The following CUTC variants were observed in gnomAD, a reference collection of about 807,000 sequenced individuals.
The protein encoded by CUTC is cutC copper transporter, also known as copper homeostasis protein cutC homolog.
Under a neutral mutation model 36.2 loss-of-function variants are expected in CUTC, and 27 were observed. That is an observed-to-expected ratio of 0.75 (90% CI 0.55 to 1.03). The LOEUF is 1.03. Among genes scored for constraint, CUTC ranks in the 50% least tolerant of loss-of-function variants. The probability of loss-of-function intolerance (pLI) is 0.00; values close to 1 mark genes in which losing one functional copy is unlikely to be tolerated. For missense variants in CUTC, 315 were observed against 343.5 expected (o/e 0.92, Z 0.66); for synonymous variants, 114 against 118.3 (o/e 0.96, Z 0.24).
At chr10:99,743,463 C>A in intron 4 of CUTC, 101 bp downstream of exon 4, 1 of 1,026,744 alleles carries the variant, frequency 9.7e-7, no homozygotes, top group Non-Finnish European at 1.5e-6. Context: ...GCGGTCATAG[C>A]TACAGACACT....
intron 5 of CUTC, among the ~76,000 whole-genome samples, chr10:99,746,198 A>AT (rs2037376539): frequency 1.3e-5 from 2 of 152,222 alleles, no homozygotes; most frequent in African/African-American, 4.8e-5. Flanking sequence ...GAACAAGATC[A>AT]TGTCCTTTGC....
intron 5 of CUTC, among the ~76,000 whole-genome samples, chr10:99,745,367 G>C (rs1335896939): frequency 6.6e-6 from 1 of 152,202 alleles, no homozygotes; most frequent in African/African-American, 2.4e-5. Context: ...CTCTGTGGTA[G>C]ATTTAGTTGC....
chr10:99,747,490 G>A (rs1002685832), intron 6 of CUTC, 100 bp downstream of exon 6: 28 of 1,368,316 alleles, frequency 2.0e-5, no homozygotes, highest in Non-Finnish European at 2.8e-5. Context: ...TACTGACTTT[G>A]TGGTTACTCT....
chr10:99,755,636 T>C lies in CUTC; in HGVS notation c.719T>C (p.Val240Ala). ...TATTTCTGTTACAGAAATTCATCTGTTGCCATGGGAGCCTCACTTTCTTGC... is the reference window on the plus strand; with the variant it reads ...TATTTCTGTTACAGAAATTCATCTGCTGCCATGGGAGCCTCACTTTCTTGC... ...DSGMKFRNSSVAMGASLSCSE... is the reference protein window; with the variant it reads ...DSGMKFRNSSAAMGASLSCSE... The change falls in exon 9 of 9, where the codon GTT becomes GCT. Residue 240 changes from valine to alanine, a missense_variant. Physicochemically the swap from Val to Ala is moderately conservative, Grantham distance 64. Transcript: ENST00000370476. The C allele has an allele frequency of 6.2e-7, 1 of 1,609,846 alleles. No homozygotes were observed. The highest frequency in any genetic ancestry group is 8.5e-7 in the Non-Finnish European group (1 of 1,176,358).
At chr10:99,740,114 A>G (rs1298753771) in intron 3 of CUTC, among the ~76,000 whole-genome samples, 2 of 152,170 alleles carry the variant, frequency 1.3e-5, no homozygotes, top group Non-Finnish European at 2.9e-5. Flanking sequence ...TTACTCATAC[A>G]TATATCAAAA....
intron 2 of CUTC, among the ~76,000 whole-genome samples, chr10:99,737,523 T>C (rs528583169): frequency 1.3e-3 from 200 of 152,174 alleles, no homozygotes; most frequent in African/African-American, 4.6e-3. Flanking sequence ...TGTAGGGTTG[T>C]TTTGGGGATG....
chr10:99,744,615 ACTAT>A (rs1016279278), intron 5 of CUTC, among the ~76,000 whole-genome samples: 4 of 152,202 alleles, frequency 2.6e-5, no homozygotes, highest in African/African-American at 9.7e-5. Flanking sequence ...TCTAGTGTTG[ACTAT>A]CTAGTCAATG....
intron 1 of CUTC, among the ~76,000 whole-genome samples, chr10:99,733,721 C>T (rs2037259367): frequency 6.6e-6 from 1 of 152,196 alleles, no homozygotes; most frequent in Non-Finnish European, 1.5e-5. Context: ...GGTTGTAGCC[C>T]TGCAGACTCT....
At chr10:99,749,943 C>A (rs2037404496) in intron 6 of CUTC, among the ~76,000 whole-genome samples, 1 of 152,044 alleles carries the variant, frequency 6.6e-6, no homozygotes, top group South Asian at 2.1e-4. Flanking sequence ...TTTCTTCTAT[C>A]CTCAGGGTTT....
In CUTC at chr10:99,755,653, C is replaced by T. The variant is rs554853900; in HGVS notation, c.736C>T (p.Leu246Phe). 9 of 1,613,588 alleles carry T rather than the reference C, an allele frequency of 5.6e-6. No individual in the cohort carries two copies. The East Asian group carries it at 2.0e-4, about 36-fold the overall frequency. ...TTCATCTGTTGCCATGGGAGCCTCACTTTCTTGCTCAGAATATTCCCTAAA... is the reference window on the plus strand; with the variant it reads ...TTCATCTGTTGCCATGGGAGCCTCATTTTCTTGCTCAGAATATTCCCTAAA... ...RNSSVAMGAS[L>F]SCSEYSLKVT... Residue 246 changes from leucine (L) to phenylalanine (F), a missense_variant, in exon 9 of 9, where the codon CTT (leucine) becomes TTT (phenylalanine). Coordinates refer to ENST00000370476, the MANE Select transcript of CUTC (RefSeq NM_015960.3).
intron 6 of CUTC, among the ~76,000 whole-genome samples, chr10:99,749,407 T>G (rs1263350542): frequency 6.6e-6 from 1 of 152,228 alleles, no homozygotes; most frequent in African/African-American, 2.4e-5. Context: ...AATTGTTCTA[T>G]ATTATTAAAT....
In CUTC at chr10:99,732,534, G is replaced by A. The variant is rs2037220517; in HGVS notation, c.61+125G>A. On this transcript the variant is annotated intron_variant, in intron 1 of 8. Coordinates refer to ENST00000370476, the MANE Select transcript of CUTC (RefSeq NM_015960.3). ...TCAGCTCCTTCCAGCCCCTTGGGCG[G>A]CACCTTCTATCTTTGAGGCGTTAAA... is the stretch of plus-strand genomic sequence containing the variant. 3.4e-6 allele frequency: 5 copies of A among 1,486,284 alleles called. No homozygotes were observed. The Admixed American group carries it at 9.8e-5, about 29-fold the overall frequency. The allele number at this position is 1,486,284 out of a possible 1,614,324, so 92.1% of individuals were successfully genotyped here.
chr10:99,755,832 C>A lies in CUTC; in HGVS notation c.*93C>A. The A allele has an allele frequency of 1.3e-6, 1 of 769,034 alleles. No individual in the cohort carries two copies. Among genetic ancestry groups the A allele is most frequent in the Non-Finnish European group, 2.2e-6 (1 of 464,542 alleles). The allele number at this position is 769,034 out of a possible 1,614,324, so 47.6% of individuals were successfully genotyped here. A position where few individuals can be genotyped will look rare whatever the true frequency, so the allele number is the denominator to read the frequency against. ...ACACAGCTTTAACCTTCTTCTCTGGCCAGGACAGTCGCAATCTTTGTTTTA... is the reference window on the plus strand; with the variant it reads ...ACACAGCTTTAACCTTCTTCTCTGGACAGGACAGTCGCAATCTTTGTTTTA... On this transcript the variant is annotated 3_prime_UTR_variant, in exon 9 of 9. Coordinates refer to ENST00000370476, the MANE Select transcript of CUTC (RefSeq NM_015960.3).
chr10:99,743,417 C>A lies in CUTC; in HGVS notation c.403+55C>A, dbSNP rs2037354849. ...CTCTAATGATAATTGTATTTATGCT[C>A]ACAATATAGAAAAACAACATCACAA... On this transcript the variant is annotated intron_variant, in intron 4 of 8. Coordinates refer to ENST00000370476, the MANE Select transcript of CUTC (RefSeq NM_015960.3). 4.0e-6 allele frequency: 6 copies of A among 1,501,554 alleles called. No individual in the cohort carries two copies. The South Asian group carries it at 5.7e-5, about 14-fold the overall frequency. The allele number at this position is 1,501,554 out of a possible 1,614,324, so 93.0% of individuals were successfully genotyped here. A position where few individuals can be genotyped will look rare whatever the true frequency, so the allele number is the denominator to read the frequency against.
intron 1 of CUTC, among the ~76,000 whole-genome samples, chr10:99,735,245 G>A (rs2037287306): frequency 6.6e-6 from 1 of 151,890 alleles, no homozygotes; most frequent in Non-Finnish European, 1.5e-5. Flanking sequence ...AACTCATGAA[G>A]AGTTAAATGA....
At chr10:99,748,073 G>A (rs954733159) in intron 6 of CUTC, among the ~76,000 whole-genome samples, 7 of 152,168 alleles carry the variant, frequency 4.6e-5, no homozygotes, top group Non-Finnish European at 1.0e-4. Flanking sequence ...CAGTCCAGAG[G>A]CATTATAAGT....
chr10:99,732,447 G>T (rs886046615), intron 1 of CUTC, 38 bp downstream of exon 1: 3 of 1,548,278 alleles, frequency 1.9e-6, no homozygotes, highest in Non-Finnish European at 2.6e-6. Flanking sequence ...GTCGGCCGAA[G>T]GCTCCCCGGG....
intron 2 of CUTC, among the ~76,000 whole-genome samples, chr10:99,737,130 C>T (rs901889022): frequency 2.6e-5 from 4 of 151,832 alleles, no homozygotes; most frequent in East Asian, 1.9e-4. Flanking sequence ...ATTAGCCAAG[C>T]GTGGTGGTGA....
chr10:99,753,550 C>T (rs1174969960), intron 7 of CUTC, among the ~76,000 whole-genome samples: 1 of 152,154 alleles, frequency 6.6e-6, no homozygotes, highest in Non-Finnish European at 1.5e-5. Context: ...GGTGGGTCTA[C>T]AGGCACCCAC....
Sources: allele counts gnomAD v4.1 joint callset (sites outside exome capture counted in the v4.1 genomes callset), GRCh38; gene constraint gnomAD v4.1.1; transcripts MANE v1.5; gene names NCBI Gene and HGNC (gene_info 2026-07-23, HGNC 2026-07-21).